The following SEMA3A variants were observed in gnomAD, a reference collection of about 807,000 sequenced individuals.
The protein encoded by SEMA3A is semaphorin-3A.
SEMA3A carries 29 observed loss-of-function variants against 97.9 expected under a neutral mutation model. That is an observed-to-expected ratio of 0.30 (90% CI 0.22 to 0.40). The LOEUF (loss-of-function observed/expected upper bound fraction) is 0.40, where lower values mean the gene tolerates loss of function less well. SEMA3A is among the 10% of genes least tolerant of loss of function. The pLI is 1.00. For missense variants in SEMA3A, 763 were observed against 951.3 expected, an observed-to-expected ratio of 0.80 and a Z score of 2.60; for synonymous variants, 321 against 323.7, an observed-to-expected ratio of 0.99 and a Z score of 0.09.
intron 1 of SEMA3A, among the ~76,000 whole-genome samples, chr7:84,399,163 T>A (rs765620969): frequency 2.6e-5 from 4 of 152,088 alleles, no homozygotes; most frequent in Non-Finnish European, 5.9e-5. Context: ...GCATTGGAAC[T>A]CAGTGCCACC....
intron 13 of SEMA3A, 132 bp from the exon 14 acceptor site, chr7:83,981,610 G>A: frequency 1.3e-6 from 1 of 785,596 alleles, no homozygotes. Flanking sequence ...TCCCTTTATT[G>A]CTAATTTCTT....
chr7:84,265,417 T>C (rs1378584163), intron 3 of SEMA3A, among the ~76,000 whole-genome samples: 3 of 148,170 alleles, frequency 2.0e-5, no homozygotes, highest in Non-Finnish European at 4.5e-5. Context: ...TTAAATATAA[T>C]ATGTATGAGA....
chr7:84,361,779 A>G (rs896203180), intron 2 of SEMA3A, among the ~76,000 whole-genome samples: 2 of 152,034 alleles, frequency 1.3e-5, no homozygotes, highest in East Asian at 1.9e-4. Flanking sequence ...AGGGTCAGAG[A>G]AGCATCTTTA....
chr7:84,463,422 G>A (rs1305209691), intron 1 of SEMA3A, among the ~76,000 whole-genome samples: 14 of 151,336 alleles, frequency 9.3e-5, no homozygotes, highest in Non-Finnish European at 7.4e-5. Flanking sequence ...CTAATTTTTT[G>A]TATTTTTAGT....
At chr7:83,991,744 G>C (rs1054532443) in intron 12 of SEMA3A, among the ~76,000 whole-genome samples, 1 of 147,356 alleles carries the variant, frequency 6.8e-6, no homozygotes, top group Non-Finnish European at 1.5e-5. Context: ...GAGGATTTTT[G>C]CATCAATGTT....
chr7:84,162,583 ATTTT>A (rs67315788), intron 1 of SEMA3A, among the ~76,000 whole-genome samples: 58,641 of 151,186 alleles, frequency 0.39, 12,375 homozygotes, highest in Admixed American at 0.49. Flanking sequence ...CATATCCTCA[ATTTT>A]TTTTTAAAAA....
chr7:84,424,976 A>G (rs1804752425), intron 1 of SEMA3A, among the ~76,000 whole-genome samples: 1 of 103,134 alleles, frequency 9.7e-6, no homozygotes, highest in Non-Finnish European at 1.7e-5. Flanking sequence ...TTATATATTT[A>G]TAATTTATAA....
intron 3 of SEMA3A, among the ~76,000 whole-genome samples, chr7:84,254,711 G>C (rs576865100): frequency 6.6e-6 from 1 of 152,170 alleles, no homozygotes; most frequent in African/African-American, 2.4e-5. Context: ...TGGACTTTCT[G>C]TGTAATCACC....
At chr7:84,166,366 G>A (rs1253742552) in intron 1 of SEMA3A, among the ~76,000 whole-genome samples, 2 of 151,336 alleles carry the variant, frequency 1.3e-5, no homozygotes, top group Non-Finnish European at 2.9e-5. Flanking sequence ...GAGGTCAAGA[G>A]ATCGAGACCA....
At chr7:84,154,930 C>A (rs940972354) in intron 1 of SEMA3A, among the ~76,000 whole-genome samples, 13 of 151,688 alleles carry the variant, frequency 8.6e-5, no homozygotes, top group Non-Finnish European at 1.9e-4. Flanking sequence ...TTTGGTCAAG[C>A]CTTTCTGTTA....
At chr7:84,426,448 G>T (rs1235922529) in intron 1 of SEMA3A, among the ~76,000 whole-genome samples, 1 of 152,060 alleles carries the variant, frequency 6.6e-6, no homozygotes. Flanking sequence ...ATTTCACAGA[G>T]AATGTAACAG....
intron 3 of SEMA3A, among the ~76,000 whole-genome samples, chr7:84,208,370 T>A (rs1349766279): frequency 6.6e-6 from 1 of 150,830 alleles, no homozygotes; most frequent in African/African-American, 2.4e-5. Context: ...GAGAATGGCG[T>A]GAACCCGGGA....
intron 6 of SEMA3A, among the ~76,000 whole-genome samples, chr7:84,035,939 T>A (rs1791926660): frequency 6.6e-6 from 1 of 152,126 alleles, no homozygotes. Flanking sequence ...TGGTTCCAAC[T>A]GATTCCCGTC....
intron 2 of SEMA3A, among the ~76,000 whole-genome samples, chr7:84,361,747 A>C (rs1038540816): frequency 6.6e-5 from 10 of 152,020 alleles, no homozygotes; most frequent in Admixed American, 5.3e-4. Flanking sequence ...TAATTCATAT[A>C]AATACTAATG....
chr7:84,051,503 T>C (rs1382491178), intron 5 of SEMA3A, among the ~76,000 whole-genome samples: 4 of 152,158 alleles, frequency 2.6e-5, no homozygotes, highest in African/African-American at 9.7e-5. Flanking sequence ...ATGATTTGGC[T>C]CTCTGTTTGT....
At chr7:84,121,055 G>A (rs983278513) in intron 3 of SEMA3A, among the ~76,000 whole-genome samples, 1 of 152,052 alleles carries the variant, frequency 6.6e-6, no homozygotes, top group African/African-American at 2.4e-5. Context: ...TATTGATGGA[G>A]ATGTTATGTT....
Position 84,011,256 on chromosome 7 carries a change from T to A in SEMA3A, c.852A>T (p.Thr284=). The A allele has an allele frequency of 6.2e-7, 1 of 1,614,042 alleles. No homozygotes were observed. Among genetic ancestry groups the A allele is most frequent in the Admixed American group, 1.7e-5 (1 of 60,020 alleles). The change falls in exon 8 of 17, where the codon ACA becomes ACT. Residue 284 remains threonine (T), a synonymous_variant. Transcript: ENST00000265362. ...AAATCAGACGAGCTTTGAGGAATGT[T>A]GTCCATTTATTCACCAGACTTCTGT... ...GGHRSLVNKW[T]TFLKARLICS...
intron 3 of SEMA3A, among the ~76,000 whole-genome samples, chr7:84,244,830 T>G (rs1442837680): frequency 6.6e-6 from 1 of 152,176 alleles, no homozygotes; most frequent in Non-Finnish European, 1.5e-5. Context: ...GGATTGTATT[T>G]CTCCTTTGTT....
chr7:84,357,816 A>C (rs1466606792), intron 2 of SEMA3A, among the ~76,000 whole-genome samples: 3 of 151,700 alleles, frequency 2.0e-5, no homozygotes, highest in Non-Finnish European at 4.4e-5. Context: ...TGACTTTTTA[A>C]TGATCGCCAT....
Sources: gnomAD v4.1 joint callset for allele counts (sites outside exome capture counted in the v4.1 genomes callset) on GRCh38, gnomAD v4.1.1 for gene constraint, MANE v1.5 for transcripts, NCBI Gene and HGNC (gene_info 2026-07-23, HGNC 2026-07-21) for gene names.